GALNS: variants seen among roughly 807,000 people sequenced by gnomAD.
The protein encoded by GALNS is galactosamine (N-acetyl)-6-sulfatase, also known as N-acetylgalactosamine-6-sulfatase.
A neutral mutation model predicts 65.9 loss-of-function variants in GALNS; 65 were observed. The observed-to-expected ratio is 0.99, with a 90% CI of 0.81 to 1.21. The LOEUF (loss-of-function observed/expected upper bound fraction) is 1.21, where lower values mean the gene tolerates loss of function less well. Among genes scored for constraint, GALNS ranks in the 50% most tolerant of loss-of-function variants. GALNS has a pLI of 0.00. For synonymous variants in GALNS, 346 were observed against 288.9 expected, an observed-to-expected ratio of 1.20 and a Z score of -2.00; for missense variants, 776 against 700.7, an observed-to-expected ratio of 1.11 and a Z score of -1.21.
chr16:88,834,663 G>C (rs1017365632), intron 8 of GALNS, among the ~76,000 whole-genome samples: 2 of 135,374 alleles, frequency 1.5e-5, no homozygotes, highest in Non-Finnish European at 3.3e-5. Context: ...GGGAAGAGGC[G>C]GGTTCAGGTT....
At chr16:88,817,211 G>GA in intron 13 of GALNS, 2 of 984,742 alleles carry the variant, frequency 2.0e-6, no homozygotes, top group Non-Finnish European at 2.4e-6. Flanking sequence ...AGCTGCTCCT[G>GA]AGAGGCCCTG....
chr16:88,827,123 G>C, intron 9 of GALNS: 3 of 551,730 alleles, frequency 5.4e-6, no homozygotes, highest in Non-Finnish European at 6.6e-6. Context: ...CCCTCCCAGG[G>C]AGATGCCCCT....
intron 1 of GALNS, among the ~76,000 whole-genome samples, chr16:88,852,779 G>A (rs1219901486): frequency 3.3e-5 from 5 of 152,144 alleles, no homozygotes; most frequent in Non-Finnish European, 7.3e-5. Context: ...TGGAAGAAAG[G>A]GTATCAGTGA....
chr16:88,824,231 G>A (rs1910559516), intron 11 of GALNS, among the ~76,000 whole-genome samples: 2 of 152,134 alleles, frequency 1.3e-5, no homozygotes, highest in Admixed American at 6.5e-5. Context: ...AGAAAAGACC[G>A]TGGGGAGGGA....
Position 88,834,005 on chromosome 16 carries a change from C to T in GALNS, c.898+1208G>A, listed in dbSNP as rs1344704866. Among the ~76,000 whole-genome samples, 5 of 151,836 alleles carry T rather than the reference C, an allele frequency of 3.3e-5. No individual in the cohort carries two copies. The East Asian group carries it at 7.8e-4, about 24-fold the overall frequency. On this transcript the variant is annotated intron_variant, in intron 8 of 13. Coordinates refer to ENST00000268695, the MANE Select transcript of GALNS (RefSeq NM_000512.5). ...CGGGCTCCCCATGGGGAATGACGGC[C>T]AACACCACCCTCCCCCCACCCAGCA...
intron 8 of GALNS, among the ~76,000 whole-genome samples, chr16:88,832,305 T>A (rs1310334017): frequency 6.6e-6 from 1 of 152,118 alleles, no homozygotes; most frequent in African/African-American, 2.4e-5. Context: ...CTGGAGAAAG[T>A]GGGGACATCA....
At position 88,842,840 on chromosome 16, in the gene GALNS, G is replaced by A; in HGVS notation, c.121-11C>T. ...GTCACCCCATCCCATCTGCAGGGAA[G>A]AGCACGGGGAGGAGGAATGAGCGCC... On this transcript the variant is annotated splice_polypyrimidine_tract_variant and intron_variant, in intron 1 of 13. Transcript: ENST00000268695. 1 of 1,612,772 alleles carries A rather than the reference G, an allele frequency of 6.2e-7. No homozygotes were observed. The highest frequency in any genetic ancestry group is 1.1e-5 in the South Asian group (1 of 90,980).
At chr16:88,856,100 G>A (rs1967847872) in intron 1 of GALNS, 5 of 690,076 alleles carry the variant, frequency 7.2e-6, no homozygotes, top group African/African-American at 5.3e-5. Flanking sequence ...GCTCCCACAA[G>A]GAGTTAGGGA....
chr16:88,835,026 G>A (rs983832266), intron 8 of GALNS, among the ~76,000 whole-genome samples, 187 bp downstream of exon 8: 3 of 152,100 alleles, frequency 2.0e-5, no homozygotes, highest in Non-Finnish European at 2.9e-5. Flanking sequence ...GGTCACTCCT[G>A]CTTCCAGGTT....
chr16:88,822,965 G>A (rs1910405730), intron 11 of GALNS, among the ~76,000 whole-genome samples: 1 of 152,194 alleles, frequency 6.6e-6, no homozygotes, highest in Admixed American at 6.5e-5. Context: ...TGTGGAGGAG[G>A]TGAAGCCACC....
chr16:88,818,506 C>A (rs780770741), intron 12 of GALNS, among the ~76,000 whole-genome samples: 5 of 152,282 alleles, frequency 3.3e-5, no homozygotes, highest in South Asian at 2.1e-4. Flanking sequence ...ACACACCCTT[C>A]TTTCATTACA....
intron 5 of GALNS, among the ~76,000 whole-genome samples, chr16:88,836,696 T>A (rs1405237941): frequency 1.3e-5 from 2 of 149,948 alleles, no homozygotes; most frequent in African/African-American, 4.9e-5. Context: ...AAATGTCCAC[T>A]CAGGGAACAA....
chr16:88,833,247 T>C (rs1386899943), intron 8 of GALNS, among the ~76,000 whole-genome samples: 1 of 152,026 alleles, frequency 6.6e-6, no homozygotes, highest in African/African-American at 2.4e-5. Context: ...TCAGAGCCCC[T>C]CACGGGCAAA....
At chr16:88,847,895 A>T (rs1967324612) in intron 1 of GALNS, among the ~76,000 whole-genome samples, 1 of 152,206 alleles carries the variant, frequency 6.6e-6, no homozygotes, top group Non-Finnish European at 1.5e-5. Flanking sequence ...CTGTGCATGA[A>T]CCAACACCCA....
Position 88,854,305 on chromosome 16 carries a change from C to T in GALNS, c.120+2453G>A, listed in dbSNP as rs190006255. Among the ~76,000 whole-genome samples the T allele has an allele frequency of 2.2e-3, 335 of 152,306 alleles. 7 individuals carry two copies. Among genetic ancestry groups the T allele is most frequent in the South Asian group, 8.3e-4 (4 of 4,824 alleles). Reference sequence around the variant, plus strand: ...GCAGGAAGAGGTGTGGACAGGGCTGCGGAGGAAGCCCCGGACTCCAAGGAG... The same window carrying T: ...GCAGGAAGAGGTGTGGACAGGGCTGTGGAGGAAGCCCCGGACTCCAAGGAG... On this transcript the variant is annotated intron_variant, in intron 1 of 13. Transcript: ENST00000268695.
At chr16:88,840,291 CTG>C (rs924843296) in intron 4 of GALNS, 8 of 153,442 alleles carry the variant, frequency 5.2e-5, no homozygotes, top group African/African-American at 1.9e-4. Context: ...AGGCAGCCGA[CTG>C]GGGATCACAG....
At chr16:88,826,656 C>T (rs759390476) in intron 10 of GALNS, 46 bp downstream of exon 10, 6 of 1,598,798 alleles carry the variant, frequency 3.8e-6, no homozygotes, top group African/African-American at 1.3e-5. Flanking sequence ...CTCTGGGCTT[C>T]ACTACTTGGA....
intron 1 of GALNS, among the ~76,000 whole-genome samples, chr16:88,846,834 G>T (rs1967268981): frequency 6.6e-6 from 1 of 152,048 alleles, no homozygotes; most frequent in African/African-American, 2.4e-5. Context: ...TGAGCACTGT[G>T]CCCGGCCGTG....
chr16:88,843,562 A>G, intron 1 of GALNS: 1 of 239,024 alleles, frequency 4.2e-6, no homozygotes, highest in Non-Finnish European at 8.5e-6. Flanking sequence ...CCTCAATCCT[A>G]TGACTGGGCC....
Sources: allele counts gnomAD v4.1 joint callset (sites outside exome capture counted in the v4.1 genomes callset), GRCh38; gene constraint gnomAD v4.1.1; transcripts MANE v1.5; gene names NCBI Gene and HGNC (gene_info 2026-07-23, HGNC 2026-07-21).